The following RNF146 variants were observed in gnomAD, a reference collection of about 807,000 sequenced individuals.
RNF146 encodes ring finger protein 146, also known as E3 ubiquitin-protein ligase RNF146.
Under a neutral mutation model 29.7 loss-of-function variants are expected in RNF146, and 11 were observed. That is an observed-to-expected ratio of 0.37 (90% confidence interval 0.23 to 0.61). RNF146 has a LOEUF of 0.61. Among genes scored for constraint, RNF146 ranks in the 20% least tolerant of loss-of-function variants. The pLI, the probability that RNF146 is intolerant of heterozygous loss-of-function variation, is 0.66. For missense variants in RNF146, 342 were observed against 438.9 expected, an observed-to-expected ratio of 0.78 and a Z score of 1.97; for synonymous variants, 150 against 159.7, an observed-to-expected ratio of 0.94 and a Z score of 0.46.
chr6:127,285,551 T>TG (rs1418660527), intron 2 of RNF146, among the ~76,000 whole-genome samples: 3 of 133,078 alleles, frequency 2.3e-5, no homozygotes, highest in African/African-American at 8.1e-5. Flanking sequence ...TTTTTTACCA[T>TG]GGGGAAAAAA....
At chr6:127,280,497 T>G in intron 2 of RNF146, 157 bp downstream of exon 2, 1 of 1,284,002 alleles carries the variant, frequency 7.8e-7, no homozygotes, top group Non-Finnish European at 1.0e-6. Context: ...TTATTTACAT[T>G]AAGTTATCGT....
At position 127,286,445 on chromosome 6, in the gene RNF146, A is replaced by C. The variant is rs1779524207; in HGVS notation, c.3-171A>C. On this transcript the variant is annotated intron_variant, in intron 2 of 2. Transcript: ENST00000368314. The surrounding 1 kb of genome is among the most constrained non-coding windows in gnomAD (Gnocchi z 4.6). The stretch of plus-strand genomic sequence containing the variant: ...ATGTACAAGTAGATGCTTACAAAAA[A>C]TTTTCATCGGTTGGAGAGTTTTTCC... 2.6e-6 allele frequency: 2 copies of C among 763,920 alleles called. No individual in the cohort carries two copies. The highest frequency in any genetic ancestry group is 4.0e-6 in the Non-Finnish European group (2 of 494,440). 47.3% of individuals were successfully genotyped at this position (763,920 alleles called of 1,614,324 possible).
rs913620759 is a variant in RNF146, at chr6:127,266,886, G to A, written c.-148G>A. 30 of 152,254 alleles carry A rather than the reference G, an allele frequency of 2.0e-4. No homozygotes were observed. The highest frequency in any genetic ancestry group is 7.2e-4 in the African/African-American group (30 of 41,506). 9.4% of individuals were successfully genotyped at this position (152,254 alleles called of 1,614,324 possible). The stretch of plus-strand genomic sequence containing the variant: ...GGCAGCTGCGGGCTCCGAGGCCAGA[G>A]AGAAAAGACTGCGAGGTGGCCGCAG... On this transcript the variant is annotated 5_prime_UTR_variant, in exon 1 of 3. Coordinates refer to ENST00000368314, the MANE Select transcript of RNF146 (RefSeq NM_001242850.2).
intron 1 of RNF146, among the ~76,000 whole-genome samples, chr6:127,267,459 T>C (rs1207789852): frequency 6.6e-6 from 1 of 152,174 alleles, no homozygotes; most frequent in Non-Finnish European, 1.5e-5. Context: ...TTTTCGGCGG[T>C]AGCCTGCTCC....
intron 1 of RNF146, among the ~76,000 whole-genome samples, chr6:127,279,247 T>A (rs997459976): frequency 6.6e-6 from 1 of 151,870 alleles, no homozygotes; most frequent in Admixed American, 6.6e-5. Context: ...AGTTTTATGG[T>A]TTTATTTCTT....
intron 1 of RNF146, among the ~76,000 whole-genome samples, chr6:127,274,819 C>T (rs1179952261): frequency 2.0e-5 from 3 of 152,126 alleles, no homozygotes; most frequent in African/African-American, 7.2e-5. Context: ...CACCTGTAAT[C>T]CCAACACTTT....
In RNF146 at chr6:127,269,393, C is replaced by T. The variant is rs547519051; in HGVS notation, c.-109+2468C>T. Reference sequence around the variant, plus strand: ...GAAATGGTTGCTGGCTAAGAAACATCTGTGTGTGATATGATTAAAAGACAA... The same window carrying T: ...GAAATGGTTGCTGGCTAAGAAACATTTGTGTGTGATATGATTAAAAGACAA... On this transcript the variant is annotated intron_variant, in intron 1 of 2. Coordinates refer to ENST00000368314, the MANE Select transcript of RNF146 (RefSeq NM_001242850.2). Among the ~76,000 whole-genome samples, 3 of 152,238 alleles carry T rather than the reference C, an allele frequency of 2.0e-5. No individual in the cohort carries two copies. The East Asian group carries it at 5.8e-4, about 29-fold the overall frequency.
In RNF146 at chr6:127,287,433, T is replaced by C; in HGVS notation, c.820T>C (p.Ser274Pro). 2.5e-6 allele frequency: 4 copies of C among 1,613,430 alleles called. No homozygotes were observed. The highest frequency in any genetic ancestry group is 2.2e-5 in the East Asian group (1 of 44,826). ...GEGEEDHESPSSGRVPAPDTS... is the reference protein window; with the variant it reads ...GEGEEDHESPPSGRVPAPDTS... ...AGGAGAAGAAGATCATGAATCACCA[T>C]CTTCAGGCAGGGTACCAGCACCAGA... Residue 274 changes from serine (S) to proline (P), a missense_variant, in exon 3 of 3, where the codon TCT becomes CCT. By Grantham distance (74) the Ser-to-Pro change is moderately conservative. Transcript: ENST00000368314.
At chr6:127,277,170 A>G (rs1042698236) in intron 1 of RNF146, among the ~76,000 whole-genome samples, 1 of 152,074 alleles carries the variant, frequency 6.6e-6, no homozygotes, top group African/African-American at 2.4e-5. Context: ...ATTATGGGGT[A>G]TGTTAAAGTC....
intron 1 of RNF146, among the ~76,000 whole-genome samples, chr6:127,267,831 C>T (rs1776880480): frequency 6.6e-6 from 1 of 152,122 alleles, no homozygotes; most frequent in Non-Finnish European, 1.5e-5. Flanking sequence ...TCTTCCTACC[C>T]TCCATCCCGT....
intron 2 of RNF146, among the ~76,000 whole-genome samples, chr6:127,283,918 CT>C (rs1429079705): frequency 6.6e-6 from 1 of 151,736 alleles, no homozygotes; most frequent in African/African-American, 2.4e-5. Context: ...ATTGTTTTGC[CT>C]TTCCAATTAT....
In RNF146 at chr6:127,284,080, G is replaced by T. The variant is rs528232182; in HGVS notation, c.3-2536G>T. Among the ~76,000 whole-genome samples the T allele has an allele frequency of 5.3e-5, 8 of 151,764 alleles. No homozygotes were observed. In the South Asian group the frequency reaches 1.5e-3, roughly 28 times the overall value. On this transcript the variant is annotated intron_variant, in intron 2 of 2. Transcript: ENST00000368314. Reference sequence around the variant, plus strand: ...GGGTGGAGGATAATGTTTTTAGGTTGGAAACTTTTTTTTCTGTAGATAAAC... The same window carrying T: ...GGGTGGAGGATAATGTTTTTAGGTTTGAAACTTTTTTTTCTGTAGATAAAC...
At chr6:127,275,654 C>A (rs1048681951) in intron 1 of RNF146, among the ~76,000 whole-genome samples, 2 of 151,946 alleles carry the variant, frequency 1.3e-5, no homozygotes, top group African/African-American at 4.8e-5. Context: ...GAAAAACATA[C>A]AAAACATAGA....
intron 1 of RNF146, among the ~76,000 whole-genome samples, chr6:127,274,705 G>A (rs1457142225): frequency 2.6e-5 from 4 of 152,142 alleles, no homozygotes; most frequent in African/African-American, 2.4e-5. Context: ...GTAAGATAGC[G>A]AAGGATAGGC....
intron 2 of RNF146, among the ~76,000 whole-genome samples, chr6:127,285,551 T>G (rs951792192): frequency 7.5e-6 from 1 of 133,136 alleles, no homozygotes; most frequent in Non-Finnish European, 1.7e-5. Context: ...TTTTTTACCA[T>G]GGGGAAAAAA....
intron 1 of RNF146, among the ~76,000 whole-genome samples, chr6:127,270,219 A>C (rs1455701019): frequency 6.6e-6 from 1 of 152,150 alleles, no homozygotes; most frequent in Non-Finnish European, 1.5e-5. Context: ...TCAAGATTTA[A>C]ATTCATTGAT....
chr6:127,284,665 T>G (rs1433592414), intron 2 of RNF146, among the ~76,000 whole-genome samples: 1 of 151,946 alleles, frequency 6.6e-6, no homozygotes, highest in Non-Finnish European at 1.5e-5. Context: ...TGCCTTCTTT[T>G]GTAACTTATT....
rs1195962186 is a variant in RNF146 at position 127,285,868 on chromosome 6, AAC to A, written c.3-746_3-745del. Among the ~76,000 whole-genome samples, 4 of 152,096 alleles carry A rather than the reference AAC, an allele frequency of 2.6e-5. No individual in the cohort carries two copies. The East Asian group carries it at 7.8e-4, about 30-fold the overall frequency. On this transcript the variant is annotated intron_variant, in intron 2 of 2. Coordinates refer to ENST00000368314, the MANE Select transcript of RNF146 (RefSeq NM_001242850.2). ...TATCTGCATGTATGTTTCCTTATTT[AAC>A]AGAGTAGTTGTGTGTCTTATTTATC...
intron 2 of RNF146, among the ~76,000 whole-genome samples, chr6:127,284,868 TTA>T: frequency 1.3e-5 from 2 of 151,978 alleles, no homozygotes; most frequent in South Asian, 4.1e-4. Context: ...TCTTAAAACA[TTA>T]TGTGATTTTT....
Sources: allele counts gnomAD v4.1 joint callset (sites outside exome capture counted in the v4.1 genomes callset), GRCh38; gene constraint gnomAD v4.1.1; non-coding constraint Gnocchi (gnomAD v3.1); transcripts MANE v1.5; gene names NCBI Gene and HGNC (gene_info 2026-07-23, HGNC 2026-07-21).